AP2A2: variants seen among roughly 807,000 people sequenced by gnomAD.
The protein encoded by AP2A2 is adaptor related protein complex 2 subunit alpha 2.
Under a neutral mutation model 104.2 loss-of-function variants are expected in AP2A2, and 32 were observed. The ratio of observed to expected loss-of-function variants is 0.31; its 90% CI spans 0.23 to 0.41. The LOEUF is 0.41. Ranked by LOEUF, AP2A2 falls within the 10% of genes least tolerant of loss-of-function variation. AP2A2 has a pLI of 1.00. For missense variants in AP2A2, 912 were observed against 1,261.0 expected, an observed-to-expected ratio of 0.72 and a Z score of 4.19; for synonymous variants, 539 against 533.3, an observed-to-expected ratio of 1.01 and a Z score of -0.15.
Position 941,890 on chromosome 11 carries a change from C to T in AP2A2, c.67+15802C>T, listed in dbSNP as rs555499390. ...GCATGAACCACCATGCCCGGCCTCT[C>T]ATGCTTAAATGAAGTAGTAATACCT... On this transcript the variant is annotated intron_variant, in intron 1 of 21. Coordinates refer to ENST00000448903, the MANE Select transcript of AP2A2 (RefSeq NM_012305.4). 2.0e-5 allele frequency among the ~76,000 whole-genome samples: 3 copies of T among 151,478 alleles called. No homozygotes were observed. The South Asian group carries it at 6.3e-4, about 32-fold the overall frequency.
intron 1 of AP2A2, among the ~76,000 whole-genome samples, chr11:934,666 G>A (rs1056751388): frequency 6.6e-6 from 1 of 152,072 alleles, no homozygotes; most frequent in African/African-American, 2.4e-5. Context: ...GTTGTGGGGT[G>A]TTTTTCTTAC....
intron 2 of AP2A2, among the ~76,000 whole-genome samples, chr11:965,771 A>G (rs1417022219): frequency 2.6e-5 from 4 of 152,244 alleles, no homozygotes; most frequent in African/African-American, 9.6e-5. Flanking sequence ...GGATGTTCAC[A>G]GGTGTGCCTT....
At chr11:979,896 A>G (rs1334943585) in intron 5 of AP2A2, among the ~76,000 whole-genome samples, 1 of 152,260 alleles carries the variant, frequency 6.6e-6, no homozygotes, top group Non-Finnish European at 1.5e-5. Flanking sequence ...CACTGTTTAC[A>G]TCTTCAGAGT....
chr11:965,218 G>T (rs564534783), intron 2 of AP2A2, among the ~76,000 whole-genome samples: 17 of 139,412 alleles, frequency 1.2e-4, no homozygotes, highest in African/African-American at 4.4e-4. Flanking sequence ...TGGAAGCGTG[G>T]AGGTGGAAAG....
chr11:953,803 G>T (rs1231639289), intron 1 of AP2A2, among the ~76,000 whole-genome samples: 1 of 151,616 alleles, frequency 6.6e-6, no homozygotes, highest in East Asian at 1.9e-4. Flanking sequence ...AGGTCTGGCC[G>T]AGACGTGACA....
At position 985,419 on chromosome 11, in the gene AP2A2, C is replaced by G. The variant is rs1166118085; in HGVS notation, c.815-16C>G. ...CCACTGGAGACTGGTGAGCACCGTTCTGTCTTGCCCAGAAGACCCTGCAGT... is the reference window on the plus strand; with the variant it reads ...CCACTGGAGACTGGTGAGCACCGTTGTGTCTTGCCCAGAAGACCCTGCAGT... On this transcript the variant is annotated splice_polypyrimidine_tract_variant and intron_variant, in intron 7 of 21. Transcript: ENST00000448903. 6.2e-7 allele frequency: 1 copy of G among 1,611,800 alleles called. No individual in the cohort carries two copies. The highest frequency in any genetic ancestry group is 8.5e-7 in the Non-Finnish European group (1 of 1,178,636).
intron 9 of AP2A2, among the ~76,000 whole-genome samples, chr11:987,832 A>G (rs1855515079): frequency 1.3e-5 from 2 of 152,208 alleles, no homozygotes; most frequent in Admixed American, 1.3e-4. Flanking sequence ...GGGGAGCTGC[A>G]TGTCCCCCAT....
rs188924772 is a variant in AP2A2, at chr11:955,019, C to A, written c.68-4418C>A. Among the ~76,000 whole-genome samples the A allele has an allele frequency of 4.3e-3, 661 of 152,308 alleles. 2 individuals carry two copies. The highest frequency in any genetic ancestry group is 0.015 in the African/African-American group (640 of 41,572). On this transcript the variant is annotated intron_variant, in intron 1 of 21. Coordinates refer to ENST00000448903, the MANE Select transcript of AP2A2 (RefSeq NM_012305.4). ...GGTTTTTAGTATTTCTGCTTTAGATCTGAGCTCTGTTGATTCTGGACAACA... is the reference window on the plus strand; with the variant it reads ...GGTTTTTAGTATTTCTGCTTTAGATATGAGCTCTGTTGATTCTGGACAACA...
chr11:994,395 G>A, intron 14 of AP2A2, 150 bp downstream of exon 14: 1 of 1,028,560 alleles, frequency 9.7e-7, no homozygotes, highest in Non-Finnish European at 1.4e-6. Context: ...CCTGTCCTGG[G>A]GGCCACTGTC....
In AP2A2 at chr11:993,402, C is replaced by T. The variant is rs372004791; in HGVS notation, c.1550+21C>T. On this transcript the variant is annotated intron_variant, in intron 12 of 21. Coordinates refer to ENST00000448903, the MANE Select transcript of AP2A2 (RefSeq NM_012305.4). This position sits in a 1 kb window ranked among gnomAD's most constrained non-coding sequence, Gnocchi z 8.2. ...TCCAGGTGAGAGGCCCTTTGCGAGT[C>T]GGGGCTGTGTGCGCTCCGGCGGGCC... 712 of 1,585,830 alleles carry T rather than the reference C, an allele frequency of 4.5e-4. No individual in the cohort carries two copies. Among genetic ancestry groups the T allele is most frequent in the Non-Finnish European group, 5.6e-4 (655 of 1,167,298 alleles).
intron 1 of AP2A2, among the ~76,000 whole-genome samples, chr11:954,562 A>G (rs913961820): frequency 2.0e-5 from 3 of 151,742 alleles, no homozygotes; most frequent in African/African-American, 7.3e-5. Context: ...GTGTTTGTAA[A>G]TGTGTGTATA....
chr11:983,549 A>G (rs1304588208), intron 6 of AP2A2, among the ~76,000 whole-genome samples: 3 of 151,022 alleles, frequency 2.0e-5, no homozygotes, highest in Admixed American at 6.6e-5. Flanking sequence ...TGCCTGGCTA[A>G]TTTTTTGTAT....
At chr11:930,999 G>A (rs1173684874) in intron 1 of AP2A2, among the ~76,000 whole-genome samples, 1 of 152,148 alleles carries the variant, frequency 6.6e-6, no homozygotes, top group Admixed American at 6.5e-5. Context: ...CCCTACCTCA[G>A]TCAAGATACA....
At position 1,009,308 on chromosome 11, in the gene AP2A2, G is replaced by T. The variant is rs985361561; in HGVS notation, c.2538-20G>T. 1 of 1,612,936 alleles carries T rather than the reference G, an allele frequency of 6.2e-7. No individual in the cohort carries two copies. The highest frequency in any genetic ancestry group is 8.5e-7 in the Non-Finnish European group (1 of 1,179,220). On this transcript the variant is annotated intron_variant, in intron 19 of 21. Coordinates refer to ENST00000448903, the MANE Select transcript of AP2A2 (RefSeq NM_012305.4). Reference sequence around the variant, plus strand: ...GTCTCTGGCCTGGCTGAGAACACTCGCCTTTGCTGTTTCTCACAGTCCACA... The same window carrying T: ...GTCTCTGGCCTGGCTGAGAACACTCTCCTTTGCTGTTTCTCACAGTCCACA...
At chr11:1,003,642 G>A (rs10902265) in intron 15 of AP2A2, 80 bp from the exon 16 acceptor site, 452,740 of 882,296 alleles carry the variant, frequency 0.51, 120,405 homozygotes, top group Admixed American at 0.64. Flanking sequence ...TCCTCGTGCT[G>A]TGAGTTTTTT....
intron 2 of AP2A2, among the ~76,000 whole-genome samples, chr11:965,482 G>A (rs1439222885): frequency 6.6e-6 from 1 of 152,218 alleles, no homozygotes; most frequent in Admixed American, 6.5e-5. Flanking sequence ...GGGTTGTTAG[G>A]TGTGACCATC....
rs35731432 is a variant in AP2A2, at chr11:935,059, A to AT, written c.67+8984dup. ...TTTTTGGTAGAGATGGGGTTTCACCATTTTTTTTTTTTTGAGACTGAGTCT... is the reference window on the plus strand; with the variant it reads ...TTTTTGGTAGAGATGGGGTTTCACCATTTTTTTTTTTTTTGAGACTGAGTCT... On this transcript the variant is annotated intron_variant, in intron 1 of 21. Coordinates refer to ENST00000448903, the MANE Select transcript of AP2A2 (RefSeq NM_012305.4). Among the ~76,000 whole-genome samples, 595 of 134,752 alleles carry AT rather than the reference A, an allele frequency of 4.4e-3. 7 individuals are homozygous for AT. Among genetic ancestry groups the AT allele is most frequent in the African/African-American group, 9.8e-3 (349 of 35,476 alleles). The allele number at this position is 134,752 out of a possible 152,430, so 88.4% of individuals were successfully genotyped here.
At chr11:980,803 C>T (rs1297038222) in intron 5 of AP2A2, among the ~76,000 whole-genome samples, 2 of 152,234 alleles carry the variant, frequency 1.3e-5, no homozygotes, top group African/African-American at 2.4e-5. Context: ...GTAAAGGTAG[C>T]GTCTCCCTCT....
intron 21 of AP2A2, 35 bp downstream of exon 21, chr11:1,009,852 G>A: frequency 6.6e-7 from 1 of 1,524,854 alleles, no homozygotes; most frequent in Non-Finnish European, 8.9e-7. Flanking sequence ...ACACACTTGA[G>A]TTGCTTTTTA....
Sources: gnomAD v4.1 joint callset for allele counts (sites outside exome capture counted in the v4.1 genomes callset) on GRCh38, gnomAD v4.1.1 for gene constraint, Gnocchi (gnomAD v3.1) non-coding constraint, MANE v1.5 for transcripts, NCBI Gene and HGNC (gene_info 2026-07-23, HGNC 2026-07-21) for gene names.